Variants in MEGF11 observed in about 807,000 individuals in gnomAD.
MEGF11 encodes the protein multiple epidermal growth factor-like domains protein 11.
Under a neutral mutation model 146.6 loss-of-function variants are expected in MEGF11, and 126 were observed. The observed-to-expected ratio is 0.86, with a 90% confidence interval of 0.74 to 1.00. MEGF11 has a LOEUF of 1.00. Among genes scored for constraint, MEGF11 ranks in the 50% least tolerant of loss-of-function variants. MEGF11 has a pLI of 0.00. For synonymous variants in MEGF11, 532 were observed against 583.4 expected, an observed-to-expected ratio of 0.91 and a Z score of 1.27; for missense variants, 1,509 against 1,521.2, an observed-to-expected ratio of 0.99 and a Z score of 0.13.
chr15:66,067,200 C>T (rs2085164774), intron 5 of MEGF11, among the ~76,000 whole-genome samples: 1 of 152,166 alleles, frequency 6.6e-6, no homozygotes, highest in South Asian at 2.1e-4. Flanking sequence ...TGAAGCTTTG[C>T]CCAGGTCTAA....
At chr15:65,906,230 C>G (rs1266447934) in intron 23 of MEGF11, 89 bp from the exon 24 acceptor site, 7 of 864,954 alleles carry the variant, frequency 8.1e-6, no homozygotes, top group Non-Finnish European at 1.3e-5. Flanking sequence ...TTGCTTTTCC[C>G]CCCCCTTCTC....
chr15:66,080,427 GT>G (rs1315382395), intron 5 of MEGF11, among the ~76,000 whole-genome samples: 1 of 152,050 alleles, frequency 6.6e-6, no homozygotes, highest in East Asian at 1.9e-4. Flanking sequence ...CGCCATCCAG[GT>G]CCCCCTCCCA....
intron 1 of MEGF11, among the ~76,000 whole-genome samples, chr15:66,176,859 G>A (rs2090400366): frequency 6.6e-6 from 1 of 151,578 alleles, no homozygotes; most frequent in Non-Finnish European, 1.5e-5. Flanking sequence ...CCACCTACCA[G>A]ATCCTGACAG....
At chr15:66,007,149 A>G (rs1265745071) in intron 5 of MEGF11, among the ~76,000 whole-genome samples, 3 of 152,242 alleles carry the variant, frequency 2.0e-5, no homozygotes, top group Admixed American at 2.0e-4. Flanking sequence ...CTCATAGGTC[A>G]GCACACGTGA....
At chr15:65,909,207 G>C (rs577753392) in intron 22 of MEGF11, 72 bp from the exon 23 acceptor site, 1 of 1,096,328 alleles carries the variant, frequency 9.1e-7, no homozygotes, top group Non-Finnish European at 1.3e-6. Context: ...GGGGTAGGAA[G>C]TACACAAGTG....
intron 5 of MEGF11, among the ~76,000 whole-genome samples, chr15:65,991,231 C>T (rs556878225): frequency 3.9e-5 from 6 of 152,182 alleles, no homozygotes; most frequent in Admixed American, 1.3e-4. Flanking sequence ...AGCACACGCA[C>T]GTGGGGAAAA....
chr15:66,154,457 G>A (rs1035624059), intron 1 of MEGF11, among the ~76,000 whole-genome samples: 8 of 152,144 alleles, frequency 5.3e-5, no homozygotes, highest in Non-Finnish European at 7.3e-5. Flanking sequence ...GGAAAAACCC[G>A]GGGGCTCAAA....
intron 1 of MEGF11, among the ~76,000 whole-genome samples, chr15:66,231,140 C>T (rs1230982945): frequency 6.6e-6 from 1 of 152,180 alleles, no homozygotes; most frequent in Non-Finnish European, 1.5e-5. Flanking sequence ...GAACATTCTG[C>T]AGAACTGGTG....
chr15:66,048,451 G>A (rs774754696), intron 5 of MEGF11, among the ~76,000 whole-genome samples: 1 of 152,234 alleles, frequency 6.6e-6, no homozygotes, highest in East Asian at 1.9e-4. Context: ...AGGGACAGAC[G>A]GCTTCTCTCT....
intron 1 of MEGF11, among the ~76,000 whole-genome samples, chr15:66,155,341 C>G (rs750201391): frequency 1.3e-5 from 2 of 152,064 alleles, no homozygotes; most frequent in African/African-American, 4.8e-5. Flanking sequence ...AGAGTGAGGG[C>G]GGGGAGAGTG....
At chr15:66,007,913 A>G (rs758801410) in intron 5 of MEGF11, among the ~76,000 whole-genome samples, 12 of 152,208 alleles carry the variant, frequency 7.9e-5, no homozygotes, top group Non-Finnish European at 1.6e-4. Context: ...ATTGGAAAGA[A>G]GCATCAATAT....
intron 9 of MEGF11, among the ~76,000 whole-genome samples, chr15:65,961,503 T>C (rs2080856777): frequency 6.6e-6 from 1 of 152,008 alleles, no homozygotes; most frequent in African/African-American, 2.4e-5. Context: ...AACCCAATTG[T>C]GGAGGGGACA....
At chr15:66,230,944 C>T (rs576041695) in intron 1 of MEGF11, among the ~76,000 whole-genome samples, 1 of 152,326 alleles carries the variant, frequency 6.6e-6, no homozygotes, top group East Asian at 1.9e-4. Context: ...GCAGCGTTCC[C>T]ATTCCTGGCC....
chr15:66,010,163 A>T (rs2082665683), intron 5 of MEGF11, among the ~76,000 whole-genome samples: 1 of 9,106 alleles, frequency 1.1e-4, no homozygotes, highest in Non-Finnish European at 4.5e-4. Context: ...TGATTAGCTA[A>T]AAAAAAAAAA....
intron 5 of MEGF11, among the ~76,000 whole-genome samples, chr15:66,043,441 A>G (rs570531145): frequency 6.6e-6 from 1 of 152,390 alleles, no homozygotes; most frequent in Admixed American, 6.5e-5. Context: ...TCTGGGCAGA[A>G]GCCACGATAA....
At chr15:66,120,640 T>A (rs567444183) in intron 3 of MEGF11, among the ~76,000 whole-genome samples, 26 of 152,338 alleles carry the variant, frequency 1.7e-4, no homozygotes, top group African/African-American at 5.8e-4. Flanking sequence ...TATTTGGGAA[T>A]GTCGTAAGCT....
At chr15:65,935,517 T>C (rs556418167) in intron 10 of MEGF11, among the ~76,000 whole-genome samples, 21 of 152,138 alleles carry the variant, frequency 1.4e-4, no homozygotes, top group Non-Finnish European at 2.6e-4. Flanking sequence ...TGCTGCAGAA[T>C]TGATTGATTG....
At chr15:65,898,349 G>A (rs1002117629) in intron 25 of MEGF11, 1 of 985,222 alleles carries the variant, frequency 1.0e-6, no homozygotes, top group African/African-American at 1.7e-5. Context: ...GTGAGCCCAG[G>A]GACATAAACT....
intron 5 of MEGF11, among the ~76,000 whole-genome samples, chr15:65,992,198 C>G (rs1285736526): frequency 6.6e-6 from 1 of 152,192 alleles, no homozygotes. Flanking sequence ...CACCACAGCT[C>G]CAGGCAGCCA....
Sources: gnomAD v4.1 joint callset for allele counts (sites outside exome capture counted in the v4.1 genomes callset) on GRCh38, gnomAD v4.1.1 for gene constraint, MANE v1.5 for transcripts, NCBI Gene and HGNC (gene_info 2026-07-23, HGNC 2026-07-21) for gene names.